The following VGLL3 variants were observed in gnomAD, a reference collection of about 807,000 sequenced individuals.
VGLL3 encodes the protein transcription cofactor vestigial-like protein 3.
A neutral mutation model predicts 29.2 loss-of-function variants in VGLL3; 18 were observed. That is an observed-to-expected ratio of 0.62 (90% confidence interval 0.43 to 0.91). The LOEUF (loss-of-function observed/expected upper bound fraction) is 0.91, where lower values mean the gene tolerates loss of function less well. VGLL3 is among the 40% of genes least tolerant of loss of function. VGLL3 has a pLI of 0.00. For synonymous variants in VGLL3, 180 were observed against 151.8 expected (o/e 1.19, Z -1.36); for missense variants, 440 against 413.2 (o/e 1.06, Z -0.56).
At chr3:86,962,213 T>C (rs1479030683) in intron 3 of VGLL3, 3 of 985,376 alleles carry the variant, frequency 3.0e-6, no homozygotes, top group Non-Finnish European at 3.6e-6. Flanking sequence ...GATCATACCA[T>C]ACTGATCATT....
Position 86,938,556 on chromosome 3 carries a change from G to A in VGLL3, c.*8468C>T, listed in dbSNP as rs182190088. On this transcript the variant is annotated 3_prime_UTR_variant, in exon 4 of 4. Coordinates refer to ENST00000398399, the MANE Select transcript of VGLL3 (RefSeq NM_016206.4). ...AAATAGTCTCTTGTACAAGTGCAAA[G>A]CAAAGATCAATGCTGATGTTCTTCA... The A allele has an allele frequency of 3.9e-5, 6 of 152,636 alleles. No homozygotes were observed. Among genetic ancestry groups the A allele is most frequent in the Non-Finnish European group, 8.8e-5 (6 of 68,034 alleles). The allele number at this position is 152,636 out of a possible 1,614,324, so 9.5% of individuals were successfully genotyped here.
chr3:86,969,315 G>T (rs929395299), intron 2 of VGLL3, among the ~76,000 whole-genome samples, 192 bp from the exon 3 acceptor site: 8 of 152,190 alleles, frequency 5.3e-5, no homozygotes. Flanking sequence ...ATGGGTCCAT[G>T]TGCAAGATCC....
At chr3:86,950,936 T>C (rs1704605029) in intron 3 of VGLL3, among the ~76,000 whole-genome samples, 1 of 152,184 alleles carries the variant, frequency 6.6e-6, no homozygotes, top group Non-Finnish European at 1.5e-5. Context: ...AGTTTGAGTT[T>C]GAAATTCAGT....
chr3:86,943,225 A>T lies in VGLL3; in HGVS notation c.*3799T>A, dbSNP rs1704435747. 1 of 152,082 alleles carries T rather than the reference A, an allele frequency of 6.6e-6. No homozygotes were observed. Among genetic ancestry groups the T allele is most frequent in the Non-Finnish European group, 1.5e-5 (1 of 68,002 alleles). The allele number at this position is 152,082 out of a possible 1,614,324, so 9.4% of individuals were successfully genotyped here. On this transcript the variant is annotated 3_prime_UTR_variant, in exon 4 of 4. Coordinates refer to ENST00000398399, the MANE Select transcript of VGLL3 (RefSeq NM_016206.4). ...CCTCATTCAAAACTCTAACATATAT[A>T]CTTTCCTTTTTCCACCACTTAACGC...
chr3:86,964,941 T>G (rs1436854177), intron 3 of VGLL3, among the ~76,000 whole-genome samples: 1 of 152,052 alleles, frequency 6.6e-6, no homozygotes, highest in Non-Finnish European at 1.5e-5. Context: ...GGGCAGATGA[T>G]GAGGTCAGGA....
chr3:86,955,120 A>G (rs955120763), intron 3 of VGLL3, among the ~76,000 whole-genome samples: 5 of 152,164 alleles, frequency 3.3e-5, no homozygotes, highest in African/African-American at 1.2e-4. Flanking sequence ...TACCCAAAAA[A>G]AAAGTAATTA....
At chr3:86,976,921 A>G (rs1468289187) in intron 2 of VGLL3, among the ~76,000 whole-genome samples, 1 of 152,184 alleles carries the variant, frequency 6.6e-6, no homozygotes. Context: ...AAGCCATCTA[A>G]CTCACTAATG....
intron 3 of VGLL3, among the ~76,000 whole-genome samples, chr3:86,948,028 A>C (rs1231265638): frequency 6.6e-6 from 1 of 152,096 alleles, no homozygotes; most frequent in Non-Finnish European, 1.5e-5. Flanking sequence ...ATAACGAGAT[A>C]CTTTGATGAA....
intron 1 of VGLL3, among the ~76,000 whole-genome samples, chr3:86,981,259 G>A (rs1705319922): frequency 6.6e-6 from 1 of 151,868 alleles, no homozygotes; most frequent in Non-Finnish European, 1.5e-5. Flanking sequence ...TTAAACTATA[G>A]AATTTCAATT....
At position 86,956,793 on chromosome 3, in the gene VGLL3, A is replaced by C. The variant is rs202101441; in HGVS notation, c.938-9726T>G. On this transcript the variant is annotated intron_variant, in intron 3 of 3. Transcript: ENST00000398399. Reference sequence around the variant, plus strand: ...GAGCGAGACTCCGTCCCACCGTCCCAAAAAAAAAAAAAAAAAAAAAGAAAG... The same window carrying C: ...GAGCGAGACTCCGTCCCACCGTCCCCAAAAAAAAAAAAAAAAAAAAGAAAG... 0.02 allele frequency among the ~76,000 whole-genome samples: 931 copies of C among 47,394 alleles called. 22 individuals are homozygous for C. The East Asian group carries it at 0.28, about 14-fold the overall frequency. The allele number at this position is 47,394 out of a possible 152,430, so 31.1% of individuals were successfully genotyped here. A position where few individuals can be genotyped will look rare whatever the true frequency, so the allele number is the denominator to read the frequency against.
At chr3:86,982,831 C>T (rs1705355451) in intron 1 of VGLL3, among the ~76,000 whole-genome samples, 1 of 152,200 alleles carries the variant, frequency 6.6e-6, no homozygotes, top group African/African-American at 2.4e-5. Flanking sequence ...TTCACCACTA[C>T]ATAGTTATGA....
chr3:86,956,835 C>T (rs938525262), intron 3 of VGLL3, among the ~76,000 whole-genome samples: 1 of 146,252 alleles, frequency 6.8e-6, no homozygotes, highest in African/African-American at 2.5e-5. Context: ...CTTAAGATAA[C>T]GAGGGATGCT....
In VGLL3 at chr3:86,944,171, T is replaced by C. The variant is rs1168898160; in HGVS notation, c.*2853A>G. On this transcript the variant is annotated 3_prime_UTR_variant, in exon 4 of 4. Coordinates refer to ENST00000398399, the MANE Select transcript of VGLL3 (RefSeq NM_016206.4). ...CTAGAAGACAATTATAGAGACATGCTCATTCTCTTTCTATGTATATTTTTG... is the reference window on the plus strand; with the variant it reads ...CTAGAAGACAATTATAGAGACATGCCCATTCTCTTTCTATGTATATTTTTG... 2.6e-5 allele frequency: 4 copies of C among 152,136 alleles called. No homozygotes were observed. The highest frequency in any genetic ancestry group is 4.8e-5 in the African/African-American group (2 of 41,454). The allele number at this position is 152,136 out of a possible 1,614,324, so 9.4% of individuals were successfully genotyped here.
intron 1 of VGLL3, among the ~76,000 whole-genome samples, 154 bp from the exon 2 acceptor site, chr3:86,978,956 C>T (rs906805687): frequency 3.9e-5 from 6 of 152,114 alleles, no homozygotes; most frequent in Non-Finnish European, 7.3e-5. Flanking sequence ...TTTTTCCTCC[C>T]CAAACCAGTT....
chr3:86,967,452 T>C (rs961138289), intron 3 of VGLL3, among the ~76,000 whole-genome samples: 6 of 152,110 alleles, frequency 3.9e-5, no homozygotes, highest in African/African-American at 1.4e-4. Context: ...ATGTGTTAGA[T>C]GGGGCAATGA....
chr3:86,975,498 C>A (rs1705188526), intron 2 of VGLL3, among the ~76,000 whole-genome samples: 1 of 151,812 alleles, frequency 6.6e-6, no homozygotes, highest in South Asian at 2.1e-4. Flanking sequence ...TAATTTAACC[C>A]CCTTATTTTA....
rs1478053911 is a variant in VGLL3 at position 86,940,469 on chromosome 3, G to A, written c.*6555C>T. The A allele has an allele frequency of 6.6e-6, 1 of 152,320 alleles. No individual in the cohort carries two copies. The highest frequency in any genetic ancestry group is 1.5e-5 in the Non-Finnish European group (1 of 67,982). 9.4% of individuals were successfully genotyped at this position (152,320 alleles called of 1,614,324 possible). On this transcript the variant is annotated 3_prime_UTR_variant, in exon 4 of 4. Transcript: ENST00000398399. Reference sequence around the variant, plus strand: ...AATCTATTCCTTGCTGTAACATATAGACTTCTTGGCCCTAGAAATTAACTT... The same window carrying A: ...AATCTATTCCTTGCTGTAACATATAAACTTCTTGGCCCTAGAAATTAACTT...
chr3:86,972,467 T>G (rs1304006877), intron 2 of VGLL3, among the ~76,000 whole-genome samples: 2 of 152,202 alleles, frequency 1.3e-5, no homozygotes, highest in African/African-American at 4.8e-5. Context: ...AAAATCACTA[T>G]TCGGTGTCTT....
At chr3:86,955,177 T>C (rs946903068) in intron 3 of VGLL3, among the ~76,000 whole-genome samples, 3 of 152,096 alleles carry the variant, frequency 2.0e-5, no homozygotes, top group Non-Finnish European at 4.4e-5. Context: ...GAGTATGACT[T>C]ATAACATTTA....
Sources: gnomAD v4.1 joint callset for allele counts (sites outside exome capture counted in the v4.1 genomes callset) on GRCh38, gnomAD v4.1.1 for gene constraint, MANE v1.5 for transcripts, NCBI Gene and HGNC (gene_info 2026-07-23, HGNC 2026-07-21) for gene names.